The following MAP4 variants were observed in gnomAD, a reference collection of about 807,000 sequenced individuals.
The protein encoded by MAP4 is microtubule associated protein 4.
MAP4 carries 76 observed loss-of-function variants against 170.2 expected under a neutral mutation model. That is an observed-to-expected ratio of 0.45 (90% CI 0.37 to 0.54). MAP4 has a LOEUF of 0.54. Ranked by LOEUF, MAP4 falls within the 20% of genes least tolerant of loss-of-function variation. The probability of loss-of-function intolerance (pLI) is 0.00; values close to 1 mark genes in which losing one functional copy is unlikely to be tolerated. For missense variants in MAP4, 2,506 were observed against 2,748.0 expected (o/e 0.91, Z 1.97); for synonymous variants, 909 against 994.5 (o/e 0.91, Z 1.62).
intron 1 of MAP4, among the ~76,000 whole-genome samples, chr3:48,045,972 CT>C (rs1444283827): frequency 6.8e-6 from 1 of 148,078 alleles, no homozygotes; most frequent in Non-Finnish European, 1.5e-5. Context: ...TACAAAATTT[CT>C]TGCATCACTT....
At chr3:48,046,467 C>G (rs1448280531) in intron 1 of MAP4, among the ~76,000 whole-genome samples, 1 of 152,194 alleles carries the variant, frequency 6.6e-6, no homozygotes, top group Admixed American at 6.5e-5. Context: ...AGCAACAACT[C>G]CCTGTATATC....
At chr3:47,945,975 C>T (rs575020256) in intron 3 of MAP4, among the ~76,000 whole-genome samples, 138 of 152,048 alleles carry the variant, frequency 9.1e-4, no homozygotes, top group African/African-American at 3.2e-3. Context: ...TGCTCTGTCG[C>T]CCAGGCTGGA....
intron 15 of MAP4, 50 bp from the exon 16 acceptor site, chr3:47,869,377 TCAA>T (rs1559829949): frequency 6.3e-6 from 8 of 1,278,284 alleles, no homozygotes; most frequent in Non-Finnish European, 9.1e-6. Context: ...GGATAAGAGC[TCAA>T]AAGCCAAGAA....
chr3:47,917,431 T>C (rs2100040337), intron 6 of MAP4, among the ~76,000 whole-genome samples: 1 of 151,828 alleles, frequency 6.6e-6, no homozygotes, highest in Non-Finnish European at 1.5e-5. Flanking sequence ...CTACTAAAAA[T>C]ACAGAAATTA....
chr3:47,857,592 C>A, intron 17 of MAP4, 80 bp from the exon 18 acceptor site: 2 of 965,526 alleles, frequency 2.1e-6, no homozygotes, highest in South Asian at 1.4e-5. Flanking sequence ...TTTAAATCTT[C>A]TCCATGTTCA....
At chr3:47,893,990 T>A (rs928540554) in intron 10 of MAP4, among the ~76,000 whole-genome samples, 4 of 152,012 alleles carry the variant, frequency 2.6e-5, no homozygotes, top group Non-Finnish European at 4.4e-5. Context: ...AGTACAGGGA[T>A]CAACCTTATA....
intron 1 of MAP4, among the ~76,000 whole-genome samples, chr3:48,002,969 A>AT (rs1420274970): frequency 1.0e-4 from 15 of 150,036 alleles, no homozygotes; most frequent in African/African-American, 3.7e-4. Flanking sequence ...AAATAAATAA[A>AT]TAAATAAATA....
At chr3:47,871,861 G>A in intron 13 of MAP4, 56 bp downstream of exon 13, 1 of 1,525,238 alleles carries the variant, frequency 6.6e-7, no homozygotes, top group South Asian at 1.2e-5. Context: ...CTGGGGCAAA[G>A]CCAAGATCCC....
chr3:47,918,822 T>G lies in MAP4; in HGVS notation c.549A>C (p.Thr183=). The G allele has an allele frequency of 2.5e-6, 4 of 1,613,248 alleles. No individual in the cohort carries two copies. The highest frequency in any genetic ancestry group is 3.4e-6 in the Non-Finnish European group (4 of 1,179,270). The change falls in exon 6 of 21, where the codon ACA becomes ACC. Residue 183 remains threonine, a synonymous_variant. Transcript: ENST00000683076. ...KDSYGMSPCN[T]AVVPQGWSVE... The stretch of plus-strand genomic sequence containing the variant: ...CAGACCACCCCTGAGGTACAACAGC[T>G]GTGTTGCAGGGAGACATACCTAATA...
chr3:47,933,663 C>A (rs1047161414), intron 3 of MAP4, among the ~76,000 whole-genome samples: 16 of 150,242 alleles, frequency 1.1e-4, no homozygotes, highest in African/African-American at 3.9e-4. Context: ...TGCAGTGGCG[C>A]GATCTGGGCT....
intron 3 of MAP4, among the ~76,000 whole-genome samples, chr3:47,972,799 T>C (rs2100079543): frequency 6.6e-6 from 1 of 150,638 alleles, no homozygotes; most frequent in Non-Finnish European, 1.5e-5. Flanking sequence ...GGCAGGAGAA[T>C]GGCGTGAACC....
intron 1 of MAP4, among the ~76,000 whole-genome samples, chr3:48,070,126 T>C (rs1192304155): frequency 6.6e-6 from 1 of 151,862 alleles, no homozygotes; most frequent in Non-Finnish European, 1.5e-5. Context: ...GACACCACCA[T>C]GGCTAGATAA....
At chr3:47,991,364 T>C (rs923745058) in intron 2 of MAP4, among the ~76,000 whole-genome samples, 11 of 152,192 alleles carry the variant, frequency 7.2e-5, no homozygotes, top group African/African-American at 2.4e-5. Context: ...ACTAAGCCTG[T>C]TGTAAGAACA....
chr3:48,004,755 G>C (rs1021034437), intron 1 of MAP4, among the ~76,000 whole-genome samples: 2 of 152,170 alleles, frequency 1.3e-5, no homozygotes, highest in Non-Finnish European at 2.9e-5. Context: ...TGATGAAGCT[G>C]GGAACACTGA....
At chr3:48,045,872 T>C (rs563502380) in intron 1 of MAP4, among the ~76,000 whole-genome samples, 53 of 152,320 alleles carry the variant, frequency 3.5e-4, no homozygotes, top group Non-Finnish European at 3.1e-4. Flanking sequence ...CCTTAGCCAA[T>C]TGTCACACTC....
Position 47,871,908 on chromosome 3 carries a change from A to G in MAP4, c.5941+9T>C. The G allele has an allele frequency of 1.2e-6, 2 of 1,602,630 alleles. No individual in the cohort carries two copies. The highest frequency in any genetic ancestry group is 2.7e-5 in the African/African-American group (2 of 74,816). On this transcript the variant is annotated intron_variant, in intron 13 of 20. Coordinates refer to ENST00000683076, the MANE Select transcript of MAP4 (RefSeq NM_001385682.1). ...CCTAGTTCCCATGGGAGAGAAAGGCAATACTCACCAGTGGGCTTCTTGGGC... is the reference window on the plus strand; with the variant it reads ...CCTAGTTCCCATGGGAGAGAAAGGCGATACTCACCAGTGGGCTTCTTGGGC...
intron 1 of MAP4, among the ~76,000 whole-genome samples, chr3:48,058,503 C>G (rs191741295): frequency 6.6e-6 from 1 of 152,184 alleles, no homozygotes; most frequent in Non-Finnish European, 1.5e-5. Flanking sequence ...TCTGGCTGAA[C>G]AGGATTATGT....
intron 16 of MAP4, among the ~76,000 whole-genome samples, chr3:47,867,911 G>A (rs1026414554): frequency 3.3e-5 from 5 of 152,202 alleles, no homozygotes; most frequent in Admixed American, 3.3e-4. Context: ...GCTCAGATGT[G>A]CATACAAATG....
chr3:48,079,258 T>A (rs2100145379), intron 1 of MAP4, among the ~76,000 whole-genome samples: 1 of 152,096 alleles, frequency 6.6e-6, no homozygotes, highest in African/African-American at 2.4e-5. Context: ...TTTTGGAATA[T>A]CTGTATACTA....
Sources: gnomAD v4.1 joint callset for allele counts (sites outside exome capture counted in the v4.1 genomes callset) on GRCh38, gnomAD v4.1.1 for gene constraint, MANE v1.5 for transcripts, NCBI Gene and HGNC (gene_info 2026-07-23, HGNC 2026-07-21) for gene names.